Variants in H2BK1 observed in about 807,000 individuals in gnomAD.
H2BK1 encodes histone H2B type 2-K1.
At chr7:151,209,952 C>T in the H2BK1 span, among the ~76,000 whole-genome samples, 3 of 152,186 alleles carry the variant, frequency 2.0e-5, no homozygotes, top group African/African-American at 4.8e-5. Flanking sequence ...TCATCGTTCC[C>T]GTAAACTTCT....
the H2BK1 span, chr7:151,208,154 G>C: frequency 1.3e-6 from 2 of 1,582,382 alleles, no homozygotes; most frequent in South Asian, 1.1e-5. Context: ...GGCCAGGGGA[G>C]GGGGGGTCCT....
chr7:151,210,046 C>T, the H2BK1 span: 103 of 395,062 alleles, frequency 2.6e-4, no homozygotes, highest in African/African-American at 1.8e-3. Context: ...AACCAGGTCC[C>T]GCCACCTCAA....
the H2BK1 span, chr7:151,207,949 C>T: frequency 2.3e-6 from 3 of 1,316,944 alleles, no homozygotes; most frequent in South Asian, 3.5e-5. Flanking sequence ...CAGGCAGCAG[C>T]AGACGCACAG....
At chr7:151,208,068 T>G in the H2BK1 span, 1 of 1,614,136 alleles carries the variant, frequency 6.2e-7, no homozygotes, top group Non-Finnish European at 8.5e-7. Flanking sequence ...GAGTTCATGA[T>G]GCTCATGGCC....
the H2BK1 span, chr7:151,207,993 G>A: frequency 8.4e-6 from 13 of 1,542,118 alleles, no homozygotes; most frequent in African/African-American, 5.5e-5. Context: ...AGGGTGGTCC[G>A]GCCCGAGTAC....
chr7:151,208,178 G>T, the H2BK1 span: 1 of 1,514,412 alleles, frequency 6.6e-7, no homozygotes, highest in Non-Finnish European at 9.1e-7. Flanking sequence ...TACACTGCAA[G>T]CCTCAGCCCT....
chr7:151,209,635 T>C, the H2BK1 span, among the ~76,000 whole-genome samples: 1 of 152,140 alleles, frequency 6.6e-6, no homozygotes, highest in Admixed American at 6.5e-5. Context: ...TGCTAGGGGC[T>C]TGCCCAGAGC....
the H2BK1 span, chr7:151,208,234 C>T: frequency 1.2e-6 from 1 of 817,222 alleles, no homozygotes; most frequent in Non-Finnish European, 2.0e-6. Flanking sequence ...AAGGAGGCTC[C>T]TCACCAGCCC....
At chr7:151,210,424 G>C in the H2BK1 span, 2 of 373,676 alleles carry the variant, frequency 5.4e-6, no homozygotes, top group Non-Finnish European at 4.7e-6. Flanking sequence ...GAGGGGGGGG[G>C]GGGGCAGGTG....
At chr7:151,208,152 GA>G in the H2BK1 span, 7 of 1,586,874 alleles carry the variant, frequency 4.4e-6, no homozygotes, top group Admixed American at 3.3e-5. Flanking sequence ...GGGGCCAGGG[GA>G]GGGGGGGTCC....
the H2BK1 span, chr7:151,210,147 G>C: frequency 2.5e-6 from 1 of 398,810 alleles, no homozygotes; most frequent in Non-Finnish European, 4.4e-6. Flanking sequence ...AAGGCGCTTT[G>C]TGAGGGCATC....
chr7:151,209,077 T>G, the H2BK1 span, among the ~76,000 whole-genome samples: 1 of 151,264 alleles, frequency 6.6e-6, no homozygotes, highest in East Asian at 2.0e-4. Context: ...CCGTTCTCCT[T>G]AGAGCTCTCA....
the H2BK1 span, among the ~76,000 whole-genome samples, chr7:151,209,205 T>C: frequency 1.2e-4 from 18 of 151,966 alleles, no homozygotes; most frequent in Admixed American, 9.2e-4. Context: ...GACACAAGGC[T>C]CAGCGATACC....
chr7:151,210,368 A>G, the H2BK1 span: 1 of 267,674 alleles, frequency 3.7e-6, no homozygotes, highest in Non-Finnish European at 6.6e-6. Context: ...GCTACTTTTT[A>G]TCAAGTCAGC....
At chr7:151,209,574 A>G in the H2BK1 span, among the ~76,000 whole-genome samples, 1 of 152,190 alleles carries the variant, frequency 6.6e-6, no homozygotes, top group Non-Finnish European at 1.5e-5. Flanking sequence ...GTGCATGAAT[A>G]TAGGGCACCT....
the H2BK1 span, among the ~76,000 whole-genome samples, chr7:151,209,906 T>C: frequency 1.3e-5 from 2 of 152,226 alleles, no homozygotes. Context: ...GGTCCTCTTG[T>C]CCTTTAATTA....
chr7:151,208,554 T>G, the H2BK1 span, among the ~76,000 whole-genome samples: 1 of 152,340 alleles, frequency 6.6e-6, no homozygotes, highest in East Asian at 1.9e-4. Flanking sequence ...TATTAGATGG[T>G]GCTATGGTAA....
chr7:151,210,415 AGGG>A, the H2BK1 span: 87,255 of 257,606 alleles, frequency 0.34, 14,927 homozygotes, highest in African/African-American at 0.37. Flanking sequence ...TGCACCTGGG[AGGG>A]GGGGGGGGGG....
chr7:151,210,141 C>T, the H2BK1 span: 16 of 398,444 alleles, frequency 4.0e-5, no homozygotes, highest in Middle Eastern at 6.2e-4. Context: ...CCTTTCAAGG[C>T]GCTTTGTGAG....
Sources: allele counts gnomAD v4.1 joint callset (sites outside exome capture counted in the v4.1 genomes callset), GRCh38; gene constraint gnomAD v4.1.1; transcripts MANE v1.5; gene names NCBI Gene and HGNC (gene_info 2026-07-23, HGNC 2026-07-21).